Variants in RHOBTB3 observed in about 807,000 individuals in gnomAD.
RHOBTB3 encodes rho-related BTB domain-containing protein 3.
A neutral mutation model predicts 67.2 loss-of-function variants in RHOBTB3; 47 were observed. That is an observed-to-expected ratio of 0.70 (90% CI 0.55 to 0.89). The LOEUF is 0.89. Among genes scored for constraint, RHOBTB3 ranks in the 40% least tolerant of loss-of-function variants. The pLI, the probability that RHOBTB3 is intolerant of heterozygous loss-of-function variation, is 0.00. For missense variants in RHOBTB3, 631 were observed against 750.0 expected, an observed-to-expected ratio of 0.84 and a Z score of 1.85; for synonymous variants, 273 against 274.2, an observed-to-expected ratio of 1.00 and a Z score of 0.04.
chr5:95,780,515 A>C, intron 9 of RHOBTB3, 90 bp downstream of exon 9: 1 of 1,098,306 alleles, frequency 9.1e-7, no homozygotes, highest in Non-Finnish European at 1.3e-6. Flanking sequence ...ATCTATTTTC[A>C]TTTAAGATTT....
At chr5:95,735,161 T>A (rs1370152506) in intron 2 of RHOBTB3, among the ~76,000 whole-genome samples, 1 of 152,194 alleles carries the variant, frequency 6.6e-6, no homozygotes, top group Non-Finnish European at 1.5e-5. Flanking sequence ...TGGGAAGCTT[T>A]CCCATTTTTC....
chr5:95,769,835 G>C (rs2112816496), intron 8 of RHOBTB3: 1 of 276,398 alleles, frequency 3.6e-6, no homozygotes, highest in Non-Finnish European at 7.1e-6. Flanking sequence ...CCAGTGCTCA[G>C]TATACACCTT....
rs1216193536 is a variant in RHOBTB3 at position 95,776,047 on chromosome 5, TATC to T, written c.1283-4203_1283-4201del. Among the ~76,000 whole-genome samples the T allele has an allele frequency of 4.6e-5, 7 of 152,332 alleles. 1 individual carries two copies. The highest frequency in any genetic ancestry group is 1.7e-4 in the African/African-American group (7 of 41,570). On this transcript the variant is annotated intron_variant, in intron 8 of 11. Coordinates refer to ENST00000379982, the MANE Select transcript of RHOBTB3 (RefSeq NM_014899.4). The stretch of plus-strand genomic sequence containing the variant: ...TCACATTGGAATGTAACTTTGATAT[TATC>T]AATACAAATTTATGGGAAGTAATTG...
At chr5:95,742,198 C>T (rs796845922) in intron 3 of RHOBTB3, among the ~76,000 whole-genome samples, 9 of 152,270 alleles carry the variant, frequency 5.9e-5, no homozygotes, top group African/African-American at 1.2e-4. Flanking sequence ...TTTACTTCTG[C>T]GCCCTTTAAT....
intron 6 of RHOBTB3, among the ~76,000 whole-genome samples, chr5:95,760,003 A>G (rs1745352175): frequency 1.3e-5 from 2 of 151,776 alleles, no homozygotes; most frequent in South Asian, 4.2e-4. Flanking sequence ...TTTAAATAAC[A>G]TGCTTTTTTT....
chr5:95,783,786 T>A lies in RHOBTB3; in HGVS notation c.1457-11T>A, dbSNP rs1249802327. On this transcript the variant is annotated splice_polypyrimidine_tract_variant and intron_variant, in intron 9 of 11. Coordinates refer to ENST00000379982, the MANE Select transcript of RHOBTB3 (RefSeq NM_014899.4). ...ATCATCCACTTTCTCTCATGTCCCT[T>A]TTCTCATCAGCTGGCATATTCCAGG... 12 of 1,600,756 alleles carry A rather than the reference T, an allele frequency of 7.5e-6. No homozygotes were observed. In the East Asian group the frequency reaches 2.5e-4, roughly 33 times the overall value.
intron 1 of RHOBTB3, among the ~76,000 whole-genome samples, chr5:95,720,838 CTT>C (rs1754848740): frequency 6.6e-6 from 1 of 152,098 alleles, no homozygotes; most frequent in Non-Finnish European, 1.5e-5. Flanking sequence ...ACTGATTATT[CTT>C]TTGTTTCTGT....
chr5:95,761,988 A>G (rs1337378633), intron 6 of RHOBTB3, among the ~76,000 whole-genome samples: 1 of 152,230 alleles, frequency 6.6e-6, no homozygotes, highest in Non-Finnish European at 1.5e-5. Context: ...GAGCTCTTCT[A>G]CACTACACAG....
chr5:95,752,175 C>A, intron 4 of RHOBTB3, 64 bp from the exon 5 acceptor site: 2 of 990,402 alleles, frequency 2.0e-6, no homozygotes, highest in East Asian at 2.5e-5. Context: ...ACTTCAGATG[C>A]AAATTTTCAT....
intron 3 of RHOBTB3, among the ~76,000 whole-genome samples, chr5:95,742,297 CTT>C (rs916706523): frequency 2.6e-5 from 4 of 152,196 alleles, no homozygotes; most frequent in African/African-American, 9.6e-5. Flanking sequence ...ATTTCAATAA[CTT>C]TTTCTTGTAA....
At chr5:95,764,829 G>C (rs1273943849) in intron 7 of RHOBTB3, among the ~76,000 whole-genome samples, 2 of 151,572 alleles carry the variant, frequency 1.3e-5, no homozygotes, top group Non-Finnish European at 2.9e-5. Context: ...TGAGAAAATA[G>C]TCTTTTTTGT....
At chr5:95,730,628 C>T (rs924775900), upstream of RHOBTB3, among the ~76,000 whole-genome samples, 1 of 152,116 alleles carries the variant, frequency 6.6e-6, no homozygotes, top group African/African-American at 2.4e-5. Flanking sequence ...TTTAACTTAC[C>T]AACACGTTAA....
upstream of RHOBTB3, chr5:95,730,931 A>G (rs1040418780): frequency 1.3e-5 from 6 of 461,082 alleles, no homozygotes; most frequent in African/African-American, 1.2e-4. Flanking sequence ...AGAGGGGGGG[A>G]AATCGGGTTG....
intron 3 of RHOBTB3, among the ~76,000 whole-genome samples, chr5:95,742,355 T>A (rs1174657026): frequency 6.6e-6 from 1 of 152,242 alleles, no homozygotes; most frequent in Admixed American, 6.5e-5. Context: ...AGCCTCTGAC[T>A]GTTTCTATAA....
intron 8 of RHOBTB3, among the ~76,000 whole-genome samples, chr5:95,776,299 C>G (rs984803383): frequency 6.6e-6 from 1 of 151,842 alleles, no homozygotes; most frequent in Admixed American, 6.6e-5. Flanking sequence ...CCCAGCTACT[C>G]GGAAGGCTGA....
At chr5:95,748,596 T>C in intron 4 of RHOBTB3, 109 bp downstream of exon 4, 1 of 720,430 alleles carries the variant, frequency 1.4e-6, no homozygotes, top group East Asian at 2.9e-5. Flanking sequence ...TTTGTCTTAC[T>C]TAACCTTGAG....
At chr5:95,725,048 CAT>C (rs1223417463) in intron 1 of RHOBTB3, among the ~76,000 whole-genome samples, 1 of 152,026 alleles carries the variant, frequency 6.6e-6, no homozygotes, top group Non-Finnish European at 1.5e-5. Flanking sequence ...TGGACATACA[CAT>C]GCCATGTGAC....
At chr5:95,790,040 TAAAG>T (rs1746333028) in intron 11 of RHOBTB3, among the ~76,000 whole-genome samples, 1 of 152,200 alleles carries the variant, frequency 6.6e-6, no homozygotes, top group Non-Finnish European at 1.5e-5. Flanking sequence ...CTTGTGCAGT[TAAAG>T]AAAACCCAGG....
Position 95,792,398 on chromosome 5 carries a change from A to AAAAAG in RHOBTB3, c.1721-631_1721-627dup, listed in dbSNP as rs61678250. On this transcript the variant is annotated intron_variant, in intron 11 of 11. Transcript: ENST00000379982. The stretch of plus-strand genomic sequence containing the variant: ...CAAGACTCCGTCTCAGAAAAAAAAA[A>AAAAAG]AAAAGAAAAGAAAAGAAAAGAAAAG... Among the ~76,000 whole-genome samples the AAAAAG allele has an allele frequency of 3.1e-3, 403 of 129,700 alleles. 1 individual carries two copies. Among genetic ancestry groups the AAAAAG allele is most frequent in the Non-Finnish European group, 3.6e-3 (230 of 64,076 alleles). 85.1% of individuals were successfully genotyped at this position (129,700 alleles called of 152,430 possible). A position where few individuals can be genotyped will look rare whatever the true frequency, so the allele number is the denominator to read the frequency against.
Sources: allele counts gnomAD v4.1 joint callset (sites outside exome capture counted in the v4.1 genomes callset), GRCh38; gene constraint gnomAD v4.1.1; transcripts MANE v1.5; gene names NCBI Gene and HGNC (gene_info 2026-07-23, HGNC 2026-07-21).